DLG2: variants seen among roughly 807,000 people sequenced by gnomAD.
The protein encoded by DLG2 is disks large homolog 2.
In DLG2, 45 loss-of-function variants were observed where a neutral mutation model predicts 132.5. That is an observed-to-expected ratio of 0.34 (90% CI 0.27 to 0.44). The LOEUF (loss-of-function observed/expected upper bound fraction) is 0.44. Among genes scored for constraint, DLG2 ranks in the 20% least tolerant of loss-of-function variants. DLG2 has a pLI of 1.00. For missense variants in DLG2, 1,045 were observed against 1,196.9 expected, an observed-to-expected ratio of 0.87 and a Z score of 1.87; for synonymous variants, 424 against 419.6, an observed-to-expected ratio of 1.01 and a Z score of -0.13.
At chr11:83,656,547 T>C (rs1391665753) in intron 18 of DLG2, among the ~76,000 whole-genome samples, 1 of 152,120 alleles carries the variant, frequency 6.6e-6, no homozygotes, top group Non-Finnish European at 1.5e-5. Context: ...AGAGGAAGAA[T>C]AATATAGAAA....
chr11:84,239,541 A>G (rs1442491948), intron 8 of DLG2, among the ~76,000 whole-genome samples: 2 of 152,204 alleles, frequency 1.3e-5, no homozygotes, highest in Non-Finnish European at 2.9e-5. Flanking sequence ...ACTAAGAATT[A>G]TTAATAAATA....
chr11:84,400,764 G>A (rs911845310), intron 7 of DLG2, among the ~76,000 whole-genome samples: 2 of 151,964 alleles, frequency 1.3e-5, no homozygotes, highest in Admixed American at 1.3e-4. Context: ...TTTAGACATT[G>A]CTTTTTTTGT....
chr11:84,080,787 T>G (rs2096890523), intron 10 of DLG2, among the ~76,000 whole-genome samples: 1 of 151,744 alleles, frequency 6.6e-6, no homozygotes, highest in African/African-American at 2.4e-5. Flanking sequence ...AGGTCTGGAG[T>G]TCCAGACCAG....
rs78735578 is a variant in DLG2 at position 85,532,097 on chromosome 11, T to C, written c.40+66560A>G. ...ATAGTTTATATGCAATAAGAAAAAA[T>C]ATTTCAATATCATAATCCCTCGCTT... On this transcript the variant is annotated intron_variant, in intron 3 of 27. Coordinates refer to ENST00000376104, the MANE Select transcript of DLG2 (RefSeq NM_001142699.3). Among the ~76,000 whole-genome samples the C allele has an allele frequency of 4.5e-4, 68 of 152,248 alleles. 4 individuals are homozygous for C. In the East Asian group the frequency reaches 0.013, roughly 29 times the overall value.
intron 6 of DLG2, among the ~76,000 whole-genome samples, chr11:84,912,888 T>C (rs145180902): frequency 1.3e-5 from 2 of 152,336 alleles, no homozygotes; most frequent in African/African-American, 4.8e-5. Context: ...GGATGGCCAG[T>C]TCTTATCTGT....
chr11:83,965,190 T>C, intron 13 of DLG2, 134 bp downstream of exon 13: 1 of 979,472 alleles, frequency 1.0e-6, no homozygotes. Context: ...GAGTGGAGTT[T>C]AGGATACTCC....
At chr11:85,352,622 C>G (rs973804169) in intron 3 of DLG2, among the ~76,000 whole-genome samples, 2 of 152,120 alleles carry the variant, frequency 1.3e-5, no homozygotes, top group Non-Finnish European at 2.9e-5. Context: ...CAGCATGGTA[C>G]TGGTACCAAA....
intron 18 of DLG2, among the ~76,000 whole-genome samples, chr11:83,767,691 T>A (rs1024063193): frequency 6.6e-6 from 1 of 152,200 alleles, no homozygotes; most frequent in Admixed American, 6.5e-5. Context: ...GGGATTACAT[T>A]AATTAATACA....
chr11:84,041,285 TAC>T (rs1310286177), intron 11 of DLG2, among the ~76,000 whole-genome samples: 2 of 151,994 alleles, frequency 1.3e-5, no homozygotes, highest in Non-Finnish European at 2.9e-5. Flanking sequence ...CATAGGCAGG[TAC>T]ATATATAGGA....
chr11:84,546,700 G>A (rs1367268995), intron 6 of DLG2: 1 of 516,402 alleles, frequency 1.9e-6, no homozygotes, highest in South Asian at 1.6e-5. Context: ...TTGGTGTTTG[G>A]ATATCTCATT....
At chr11:84,837,949 C>A (rs1002670539) in intron 6 of DLG2, among the ~76,000 whole-genome samples, 3 of 151,764 alleles carry the variant, frequency 2.0e-5, no homozygotes, top group African/African-American at 7.3e-5. Flanking sequence ...ATCAGAAACT[C>A]AGTCAGAGCT....
intron 3 of DLG2, among the ~76,000 whole-genome samples, chr11:85,583,146 A>G (rs1388654781): frequency 2.0e-4 from 22 of 110,466 alleles, no homozygotes; most frequent in African/African-American, 3.5e-4. Context: ...ATATATATAT[A>G]TATATATATA....
intron 4 of DLG2, among the ~76,000 whole-genome samples, chr11:85,202,007 CTATT>C (rs1246204956): frequency 6.6e-6 from 1 of 151,336 alleles, no homozygotes; most frequent in Non-Finnish European, 1.5e-5. Flanking sequence ...TAAAGACAAA[CTATT>C]TAAAACACAG....
intron 6 of DLG2, among the ~76,000 whole-genome samples, chr11:85,070,086 A>G (rs1151246): frequency 0.67 from 100,973 of 151,292 alleles, 34,611 homozygotes; most frequent in East Asian, 0.93. Flanking sequence ...TCTCACTCAT[A>G]GGTGGGAATT....
intron 11 of DLG2, among the ~76,000 whole-genome samples, chr11:84,014,924 T>C (rs1199354676): frequency 6.6e-6 from 1 of 152,134 alleles, no homozygotes; most frequent in African/African-American, 2.4e-5. Flanking sequence ...ATGTTACTTC[T>C]TGTTCTGGAA....
At chr11:85,095,034 A>G (rs1286893429) in intron 6 of DLG2, among the ~76,000 whole-genome samples, 1 of 152,194 alleles carries the variant, frequency 6.6e-6, no homozygotes, top group Non-Finnish European at 1.5e-5. Context: ...GCTCAAGGGG[A>G]GATACAGAGA....
At chr11:84,686,634 T>TG (rs199996764) in intron 6 of DLG2, among the ~76,000 whole-genome samples, 13,823 of 146,130 alleles carry the variant, frequency 0.095, 752 homozygotes, top group Middle Eastern at 0.12. Context: ...CTTGAGGTTT[T>TG]TTTTTTTTTT....
intron 6 of DLG2, among the ~76,000 whole-genome samples, chr11:84,600,270 G>A (rs570774259): frequency 6.6e-6 from 1 of 152,102 alleles, no homozygotes; most frequent in Non-Finnish European, 1.5e-5. Context: ...CAGGCAGGCG[G>A]CAGGCCGGAC....
chr11:84,363,666 C>T (rs915295846), intron 7 of DLG2, among the ~76,000 whole-genome samples: 7 of 151,774 alleles, frequency 4.6e-5, no homozygotes, highest in Admixed American at 3.9e-4. Flanking sequence ...AGTCTTTAAT[C>T]CATCTTGAAC....
Sources: gnomAD v4.1 joint callset for allele counts (sites outside exome capture counted in the v4.1 genomes callset) on GRCh38, gnomAD v4.1.1 for gene constraint, MANE v1.5 for transcripts, NCBI Gene and HGNC (gene_info 2026-07-23, HGNC 2026-07-21) for gene names.